Variants in FAF1 observed in about 807,000 individuals in gnomAD.
The protein encoded by FAF1 is FAS-associated factor 1.
FAF1 carries 25 observed loss-of-function variants against 92.5 expected under a neutral mutation model. The ratio of observed to expected loss-of-function variants is 0.27; its 90% CI spans 0.20 to 0.38. The LOEUF (loss-of-function observed/expected upper bound fraction) is 0.38. Ranked by LOEUF, FAF1 falls within the 10% of genes least tolerant of loss-of-function variation. FAF1 has a pLI of 1.00. For synonymous variants in FAF1, 234 were observed against 273.2 expected (o/e 0.86, Z 1.42); for missense variants, 636 against 793.3 (o/e 0.80, Z 2.38).
chr1:50,651,604 G>T (rs1654868490), intron 8 of FAF1, among the ~76,000 whole-genome samples: 1 of 152,166 alleles, frequency 6.6e-6, no homozygotes, highest in Admixed American at 6.5e-5. Context: ...AAATGTTCAG[G>T]TGCTTTCTCT....
At chr1:50,705,237 T>C (rs1334415) in intron 7 of FAF1, among the ~76,000 whole-genome samples, 2 of 152,188 alleles carry the variant, frequency 1.3e-5, no homozygotes, top group South Asian at 4.1e-4. Flanking sequence ...TTTGAAACAG[T>C]GGCCCTGGTT....
At chr1:50,465,123 A>C (rs1646478861) in intron 18 of FAF1, among the ~76,000 whole-genome samples, 1 of 152,244 alleles carries the variant, frequency 6.6e-6, no homozygotes, top group African/African-American at 2.4e-5. Flanking sequence ...CACTACCGTC[A>C]CATTTAAGTG....
At chr1:50,867,041 T>C (rs1644487357) in intron 1 of FAF1, among the ~76,000 whole-genome samples, 1 of 152,000 alleles carries the variant, frequency 6.6e-6, no homozygotes, top group Admixed American at 6.6e-5. Context: ...CAAATACTTA[T>C]AGCCAACCAA....
chr1:50,876,397 A>G (rs1036418907), intron 1 of FAF1, among the ~76,000 whole-genome samples: 14 of 152,324 alleles, frequency 9.2e-5, no homozygotes, highest in Admixed American at 3.9e-4. Context: ...TCTAGGACTG[A>G]TATTAGGAAG....
At chr1:50,694,520 T>C (rs1260286854) in intron 7 of FAF1, among the ~76,000 whole-genome samples, 1 of 149,902 alleles carries the variant, frequency 6.7e-6, no homozygotes, top group Non-Finnish European at 1.5e-5. Flanking sequence ...TTCATAGTAA[T>C]GATTATGGAT....
At chr1:50,664,013 T>C (rs1655509719) in intron 7 of FAF1, among the ~76,000 whole-genome samples, 1 of 149,928 alleles carries the variant, frequency 6.7e-6, no homozygotes, top group East Asian at 1.9e-4. Flanking sequence ...TTTTTTTTTT[T>C]TTTTAGACAG....
At chr1:50,571,697 AGTT>A (rs1474416214) in intron 12 of FAF1, among the ~76,000 whole-genome samples, 1 of 152,160 alleles carries the variant, frequency 6.6e-6, no homozygotes, top group African/African-American at 2.4e-5. Context: ...TAAGGTACTA[AGTT>A]GATGCTTAAG....
At chr1:50,590,077 A>G (rs1455397269) in intron 9 of FAF1, among the ~76,000 whole-genome samples, 1 of 152,156 alleles carries the variant, frequency 6.6e-6, no homozygotes, top group Admixed American at 6.5e-5. Flanking sequence ...GTATCTTTTT[A>G]CTAAACATTG....
At chr1:50,468,901 T>C (rs906879916) in intron 18 of FAF1, among the ~76,000 whole-genome samples, 2 of 152,172 alleles carry the variant, frequency 1.3e-5, no homozygotes, top group Non-Finnish European at 2.9e-5. Flanking sequence ...TGGCCAACAA[T>C]TAAAATTTAA....
At chr1:50,494,653 G>A (rs745507244) in intron 15 of FAF1, among the ~76,000 whole-genome samples, 3 of 152,230 alleles carry the variant, frequency 2.0e-5, no homozygotes, top group African/African-American at 4.8e-5. Context: ...CTCATATTGC[G>A]CTGTGCTACA....
At chr1:50,536,097 C>T (rs1648466045) in intron 14 of FAF1, among the ~76,000 whole-genome samples, 4 of 152,080 alleles carry the variant, frequency 2.6e-5, no homozygotes, top group Admixed American at 2.6e-4. Context: ...AATAGTAATT[C>T]AATTTCTGAA....
At chr1:50,560,856 T>C (rs1395597892) in intron 13 of FAF1, among the ~76,000 whole-genome samples, 3 of 152,268 alleles carry the variant, frequency 2.0e-5, no homozygotes, top group African/African-American at 4.8e-5. Context: ...GTGTCACATA[T>C]GTGATGTAGC....
chr1:50,801,783 A>G (rs986699843), intron 2 of FAF1, 106 bp from the exon 3 acceptor site: 3 of 657,602 alleles, frequency 4.6e-6, no homozygotes, highest in Non-Finnish European at 8.1e-6. Flanking sequence ...AATGTATTTA[A>G]ACATAATACT....
Position 50,491,794 on chromosome 1 carries a change from C to T in FAF1, c.1502G>A (p.Arg501His). Residue 501 changes from arginine (R) to histidine (H), a missense_variant, in exon 16 of 19, where the codon CGT (arginine) becomes CAT (histidine). By Grantham distance (29) the Arg-to-His change is conservative. Around this residue, in one of 2 missense-constraint regions of FAF1, gnomAD observed 319 missense variants for 451.0 expected, o/e 0.71. Transcript: ENST00000396153. Reference protein sequence around the residue: ...QQEDIKDEDEREARENVKREQ... With the variant: ...QQEDIKDEDEHEARENVKREQ... ...TCTCTTCACATTTTCTCTGGCTTCACGTTCATCCTTAAAGAAAAAGATTCA... is the reference window on the plus strand; with the variant it reads ...TCTCTTCACATTTTCTCTGGCTTCATGTTCATCCTTAAAGAAAAAGATTCA... 6.2e-7 allele frequency: 1 copy of T among 1,608,058 alleles called. No individual in the cohort carries two copies. Among genetic ancestry groups the T allele is most frequent in the Non-Finnish European group, 8.5e-7 (1 of 1,177,826 alleles).
intron 8 of FAF1, among the ~76,000 whole-genome samples, chr1:50,621,634 A>T (rs1250154283): frequency 6.6e-6 from 1 of 151,810 alleles, no homozygotes; most frequent in African/African-American, 2.4e-5. Context: ...TCCTGAGCTC[A>T]GGTGATCCAC....
chr1:50,818,216 C>T (rs189453566), intron 2 of FAF1, among the ~76,000 whole-genome samples: 6 of 152,074 alleles, frequency 3.9e-5, no homozygotes, highest in African/African-American at 1.2e-4. Context: ...CACTAAAGTG[C>T]GTGAAATTAA....
chr1:50,876,264 G>A (rs1644570835), intron 1 of FAF1, among the ~76,000 whole-genome samples: 1 of 152,188 alleles, frequency 6.6e-6, no homozygotes, highest in African/African-American at 2.4e-5. Context: ...ACAGATGTAT[G>A]AAATTAAGGT....
intron 1 of FAF1, among the ~76,000 whole-genome samples, chr1:50,902,280 T>C (rs1043970074): frequency 1.2e-4 from 19 of 152,164 alleles, no homozygotes; most frequent in Non-Finnish European, 2.9e-5. Context: ...ACTAACCACA[T>C]GTGACTACCA....
chr1:50,938,801 T>A (rs1178675838), intron 1 of FAF1, among the ~76,000 whole-genome samples: 1 of 152,222 alleles, frequency 6.6e-6, no homozygotes, highest in Non-Finnish European at 1.5e-5. Flanking sequence ...ATACAGCTAG[T>A]TATCCTAGCA....
Sources: gnomAD v4.1 joint callset for allele counts (sites outside exome capture counted in the v4.1 genomes callset) on GRCh38, gnomAD v4.1.1 for gene constraint, gnomAD v4.1.1 regional missense constraint, MANE v1.5 for transcripts, NCBI Gene and HGNC (gene_info 2026-07-23, HGNC 2026-07-21) for gene names.